The following MB21D2 variants were observed in gnomAD, a reference collection of about 807,000 sequenced individuals.
MB21D2 encodes nucleotidyltransferase MB21D2.
MB21D2 carries 9 observed loss-of-function variants against 33.3 expected under a neutral mutation model. The observed-to-expected ratio is 0.27, with a 90% confidence interval of 0.16 to 0.47. MB21D2 has a LOEUF of 0.47. Among genes scored for constraint, MB21D2 ranks in the 20% least tolerant of loss-of-function variants. The pLI is 0.99. For missense variants in MB21D2, 540 were observed against 624.6 expected (o/e 0.86, Z 1.44); for synonymous variants, 241 against 236.3 (o/e 1.02, Z -0.18).
chr3:192,813,601 T>C (rs1405443236), intron 1 of MB21D2, among the ~76,000 whole-genome samples: 2 of 152,154 alleles, frequency 1.3e-5, no homozygotes, highest in Non-Finnish European at 2.9e-5. Flanking sequence ...CTATAATTAC[T>C]TGATGAACAG....
At chr3:192,822,128 C>A (rs1358462772) in intron 1 of MB21D2, among the ~76,000 whole-genome samples, 2 of 151,458 alleles carry the variant, frequency 1.3e-5, no homozygotes, top group Non-Finnish European at 2.9e-5. Context: ...CACAGCAAGT[C>A]CCTGAGAAGC....
At chr3:192,894,970 T>C (rs765177341) in intron 1 of MB21D2, among the ~76,000 whole-genome samples, 7 of 152,150 alleles carry the variant, frequency 4.6e-5, no homozygotes, top group Non-Finnish European at 8.8e-5. Context: ...GCTCGTCTCA[T>C]CTAAGAGGGT....
chr3:192,910,819 G>A (rs564759094), intron 1 of MB21D2, among the ~76,000 whole-genome samples: 10 of 152,254 alleles, frequency 6.6e-5, no homozygotes, highest in East Asian at 1.9e-4. Flanking sequence ...ATTGGAAAAC[G>A]GGCAGAATTA....
At chr3:192,902,952 G>A (rs1714135901) in intron 1 of MB21D2, among the ~76,000 whole-genome samples, 1 of 152,214 alleles carries the variant, frequency 6.6e-6, no homozygotes, top group Non-Finnish European at 1.5e-5. Flanking sequence ...CTTTTTAGAG[G>A]AAAGAAACCA....
intron 1 of MB21D2, among the ~76,000 whole-genome samples, chr3:192,896,302 G>T (rs1275060009): frequency 6.6e-6 from 1 of 152,186 alleles, no homozygotes; most frequent in African/African-American, 2.4e-5. Context: ...GTAACAGGTA[G>T]GTCTGCCTGA....
chr3:192,879,095 C>G (rs1304930510), intron 1 of MB21D2, among the ~76,000 whole-genome samples: 7 of 152,226 alleles, frequency 4.6e-5, no homozygotes, highest in Non-Finnish European at 7.3e-5. Context: ...CAGGCCTTCC[C>G]TATCTCCCTA....
intron 1 of MB21D2, among the ~76,000 whole-genome samples, chr3:192,904,186 G>C (rs529864345): frequency 6.6e-6 from 1 of 152,148 alleles, no homozygotes; most frequent in African/African-American, 2.4e-5. Flanking sequence ...CCCATTCAAA[G>C]AGAAAATGTA....
At chr3:192,853,018 ATCTCTCTCTGTCTCTC>A (rs1712840734) in intron 1 of MB21D2, among the ~76,000 whole-genome samples, 1 of 132,666 alleles carries the variant, frequency 7.5e-6, no homozygotes, top group African/African-American at 2.8e-5. Context: ...GTTTTCAGTT[ATCTCTCTCTGTCTCTC>A]TCTCTCTCTC....
chr3:192,821,568 T>C (rs1203178705), intron 1 of MB21D2, among the ~76,000 whole-genome samples: 1 of 152,330 alleles, frequency 6.6e-6, no homozygotes, highest in African/African-American at 2.4e-5. Flanking sequence ...CCCTTCCCTC[T>C]CTTCTTGCCT....
chr3:192,837,648 GC>G (rs1164762383), intron 1 of MB21D2, among the ~76,000 whole-genome samples: 13 of 152,190 alleles, frequency 8.5e-5, no homozygotes, highest in Non-Finnish European at 4.4e-5. Context: ...ATGAGTCTGG[GC>G]CGTCTGCATC....
At chr3:192,812,488 A>G (rs9291032) in intron 1 of MB21D2, among the ~76,000 whole-genome samples, 81,010 of 151,990 alleles carry the variant, frequency 0.53, 21,885 homozygotes, top group South Asian at 0.6. Flanking sequence ...CCTAATGACA[A>G]AGTTTTCTGA....
intron 1 of MB21D2, among the ~76,000 whole-genome samples, chr3:192,893,400 G>A (rs1438285127): frequency 6.6e-6 from 1 of 152,212 alleles, no homozygotes; most frequent in East Asian, 1.9e-4. Context: ...ATCAGTAAGA[G>A]GCAACTCTAC....
chr3:192,868,370 C>T (rs764891411), intron 1 of MB21D2, among the ~76,000 whole-genome samples: 19 of 152,176 alleles, frequency 1.2e-4, no homozygotes, highest in Admixed American at 6.5e-4. Context: ...TCTTTGAAAA[C>T]GCAGTGGGAG....
chr3:192,915,833 T>C (rs1714451671), intron 1 of MB21D2, among the ~76,000 whole-genome samples: 1 of 152,132 alleles, frequency 6.6e-6, no homozygotes, highest in Non-Finnish European at 1.5e-5. Flanking sequence ...TCCTGACCCA[T>C]GACTACCCTA....
At chr3:192,871,599 G>C (rs1414816172) in intron 1 of MB21D2, among the ~76,000 whole-genome samples, 1 of 152,156 alleles carries the variant, frequency 6.6e-6, no homozygotes, top group African/African-American at 2.4e-5. Flanking sequence ...GAAGGTCAAA[G>C]AATAAGGAAG....
chr3:192,842,920 T>C (rs922904796), intron 1 of MB21D2, among the ~76,000 whole-genome samples: 8 of 152,232 alleles, frequency 5.3e-5, no homozygotes, highest in Non-Finnish European at 1.0e-4. Context: ...TTTGGCAGAC[T>C]GTGTCTTTGA....
At chr3:192,830,876 C>A (rs567773756) in intron 1 of MB21D2, among the ~76,000 whole-genome samples, 8 of 152,162 alleles carry the variant, frequency 5.3e-5, no homozygotes, top group Non-Finnish European at 8.8e-5. Context: ...TAGAAAGGAA[C>A]AGAAATCACA....
chr3:192,882,870 G>A (rs1197408465), intron 1 of MB21D2, among the ~76,000 whole-genome samples: 1 of 151,966 alleles, frequency 6.6e-6, no homozygotes. Context: ...GAGTAGCTGG[G>A]ACTACAGGTG....
intron 1 of MB21D2, 144 bp downstream of exon 1, chr3:192,917,486 C>T: frequency 2.8e-6 from 2 of 724,864 alleles, no homozygotes; most frequent in South Asian, 1.9e-5. Context: ...AAGAGAGAGG[C>T]GGAACAGAGA....
Sources: allele counts gnomAD v4.1 joint callset (sites outside exome capture counted in the v4.1 genomes callset), GRCh38; gene constraint gnomAD v4.1.1; transcripts MANE v1.5; gene names NCBI Gene and HGNC (gene_info 2026-07-23, HGNC 2026-07-21).